MTNR1B: variants seen among roughly 807,000 people sequenced by gnomAD.
MTNR1B encodes the protein melatonin receptor type 1B.
A neutral mutation model predicts 7.0 loss-of-function variants in MTNR1B; 7 were observed. That is an observed-to-expected ratio of 1.00 (90% CI 0.57 to 1.88). MTNR1B has a LOEUF of 1.88. Among genes scored for constraint, MTNR1B ranks in the 40% most tolerant of loss-of-function variants. MTNR1B has a pLI of 0.00. For synonymous variants in MTNR1B, 226 were observed against 208.2 expected, an observed-to-expected ratio of 1.09 and a Z score of -0.74; for missense variants, 478 against 486.5, an observed-to-expected ratio of 0.98 and a Z score of 0.16.
In MTNR1B at chr11:92,981,700, G is replaced by A. The variant is rs780277321; in HGVS notation, c.477G>A (p.Leu159=). 3 of 1,614,218 alleles carry A rather than the reference G, an allele frequency of 1.9e-6. No individual in the cohort carries two copies. In the East Asian group the frequency reaches 6.7e-5, roughly 36 times the overall value. ...HRIYRRWHTP[L]HICLIWLLTV... Reference sequence around the variant, plus strand: ...TCTACCGGCGCTGGCACACCCCTCTGCACATCTGCCTCATCTGGCTCCTCA... The same window carrying A: ...TCTACCGGCGCTGGCACACCCCTCTACACATCTGCCTCATCTGGCTCCTCA... The change falls in exon 2 of 2, where the codon CTG becomes CTA. Residue 159 remains leucine (L), a synonymous_variant. Transcript: ENST00000257068.
Position 92,969,786 on chromosome 11 carries a change from G to A in MTNR1B, c.61G>A (p.Gly21Ser). 6.5e-7 allele frequency: 1 copy of A among 1,547,252 alleles called. No homozygotes were observed. The highest frequency in any genetic ancestry group is 8.7e-7 in the Non-Finnish European group (1 of 1,146,220). Reference sequence around the variant, plus strand: ...GGCGGGCGGGTGGGCAGTGCGCCCGGGCTGGTCGGGGGCTGGCAGCGCGCG... The same window carrying A: ...GGCGGGCGGGTGGGCAGTGCGCCCGAGCTGGTCGGGGGCTGGCAGCGCGCG... Reference protein sequence around the residue: ...CEAGGWAVRPGWSGAGSARPS... With the variant: ...CEAGGWAVRPSWSGAGSARPS... The change falls in exon 1 of 2, where the codon GGC becomes AGC. Residue 21 changes from glycine (G) to serine (S), a missense_variant. Physicochemically the swap from Gly to Ser is moderately conservative, Grantham distance 56. Coordinates refer to ENST00000257068, the MANE Select transcript of MTNR1B (RefSeq NM_005959.5).
intron 1 of MTNR1B, among the ~76,000 whole-genome samples, chr11:92,978,057 TTCTC>T (rs1199932363): frequency 6.6e-6 from 1 of 152,218 alleles, no homozygotes; most frequent in Non-Finnish European, 1.5e-5. Flanking sequence ...GACTTGATGA[TTCTC>T]TCTTTCTATC....
chr11:92,969,758 C>A lies in MTNR1B; in HGVS notation c.33C>A (p.Cys11Ter). Residue 11 changes from cysteine (C) to a stop codon, truncating the protein, a stop_gained, in exon 1 of 2, where the codon TGC (cysteine) becomes TGA (stop). Coordinates refer to ENST00000257068, the MANE Select transcript of MTNR1B (RefSeq NM_005959.5). LOFTEE classifies it high-confidence loss of function. Reference sequence around the variant, plus strand: ...AGAACGGCTCCTTCGCCAACTGCTGCGAGGCGGGCGGGTGGGCAGTGCGCC... The same window carrying A: ...AGAACGGCTCCTTCGCCAACTGCTGAGAGGCGGGCGGGTGGGCAGTGCGCC... MSENGSFANC[C>*]EAGGWAVRPG... 3 of 1,505,596 alleles carry A rather than the reference C, an allele frequency of 2.0e-6. No individual in the cohort carries two copies. Among genetic ancestry groups the A allele is most frequent in the East Asian group, 2.5e-5 (1 of 39,984 alleles). The allele number at this position is 1,505,596 out of a possible 1,614,324, so 93.3% of individuals were successfully genotyped here. A position where few individuals can be genotyped will look rare whatever the true frequency, so the allele number is the denominator to read the frequency against.
intron 1 of MTNR1B, among the ~76,000 whole-genome samples, chr11:92,971,675 T>C (rs1486457149): frequency 6.6e-6 from 1 of 152,180 alleles, no homozygotes; most frequent in Non-Finnish European, 1.5e-5. Context: ...CTCAGTAATT[T>C]GGATTGCCCA....
At chr11:92,972,601 A>C in intron 1 of MTNR1B, 1 of 454,320 alleles carries the variant, frequency 2.2e-6, no homozygotes, top group South Asian at 1.6e-5. Context: ...GGTAAGGCCA[A>C]GTGTGTTCAC....
At chr11:92,970,162 C>G (rs1278499855) in intron 1 of MTNR1B, among the ~76,000 whole-genome samples, 1 of 152,214 alleles carries the variant, frequency 6.6e-6, no homozygotes, top group East Asian at 1.9e-4. Flanking sequence ...GCGCTTGGCA[C>G]AGAGGGAATT....
intron 1 of MTNR1B, among the ~76,000 whole-genome samples, chr11:92,974,966 G>T (rs1857990602): frequency 6.6e-6 from 1 of 152,104 alleles, no homozygotes; most frequent in Non-Finnish European, 1.5e-5. Context: ...TCAAACTCCT[G>T]ACCTCAGGTG....
intron 1 of MTNR1B, among the ~76,000 whole-genome samples, chr11:92,980,451 C>T (rs926322195): frequency 1.3e-5 from 2 of 152,314 alleles, no homozygotes; most frequent in African/African-American, 2.4e-5. Flanking sequence ...GTGCTCTATT[C>T]GTGAGTCAGT....
At chr11:92,970,154 G>T (rs1220815187) in intron 1 of MTNR1B, among the ~76,000 whole-genome samples, 5 of 152,200 alleles carry the variant, frequency 3.3e-5, no homozygotes, top group African/African-American at 4.8e-5. Flanking sequence ...CCCAGGACGC[G>T]CTTGGCACAG....
intron 1 of MTNR1B, among the ~76,000 whole-genome samples, chr11:92,971,930 AAAAAAATAAT>A (rs376345189): frequency 3.3e-5 from 5 of 152,298 alleles, no homozygotes; most frequent in African/African-American, 1.2e-4. Context: ...ACCCGAACAA[AAAAAAATAAT>A]AATAACACTA....
chr11:92,984,801 C>T (rs754329007), downstream of MTNR1B: 16 of 439,122 alleles, frequency 3.6e-5, no homozygotes, highest in South Asian at 2.6e-4. Context: ...TTTCTTGGAT[C>T]CATAGGTTTT....
At chr11:92,975,081 C>A (rs891333907) in intron 1 of MTNR1B, among the ~76,000 whole-genome samples, 8 of 152,208 alleles carry the variant, frequency 5.3e-5, no homozygotes, top group African/African-American at 1.9e-4. Flanking sequence ...ACTAATACAG[C>A]CCCTTTCTTG....
chr11:92,979,843 A>G (rs897646453), intron 1 of MTNR1B, among the ~76,000 whole-genome samples: 5 of 152,082 alleles, frequency 3.3e-5, no homozygotes, highest in African/African-American at 1.2e-4. Context: ...GGACCATGCT[A>G]TGGGGAATCT....
At chr11:92,977,762 C>T (rs1858034124) in intron 1 of MTNR1B, among the ~76,000 whole-genome samples, 1 of 152,228 alleles carries the variant, frequency 6.6e-6, no homozygotes, top group Admixed American at 6.5e-5. Flanking sequence ...TGTCTTTCAT[C>T]CATCACTGCG....
chr11:92,982,849 C>G (rs897734672), downstream of MTNR1B: 11 of 173,984 alleles, frequency 6.3e-5, no homozygotes, highest in Non-Finnish European at 1.3e-4. Flanking sequence ...ATGCATCACA[C>G]CACAGACACA....
At chr11:92,970,725 C>T (rs998797015) in intron 1 of MTNR1B, among the ~76,000 whole-genome samples, 3 of 152,102 alleles carry the variant, frequency 2.0e-5, no homozygotes, top group Non-Finnish European at 4.4e-5. Context: ...GAACTCTAGC[C>T]CTCACAGGTC....
chr11:92,976,484 C>T (rs530321760), intron 1 of MTNR1B, among the ~76,000 whole-genome samples: 7 of 151,676 alleles, frequency 4.6e-5, no homozygotes, highest in Admixed American at 1.3e-4. Flanking sequence ...TTGTTATATG[C>T]CAGATTCAAG....
chr11:92,983,773 T>G (rs546641425), downstream of MTNR1B, among the ~76,000 whole-genome samples: 19 of 152,318 alleles, frequency 1.2e-4, no homozygotes, highest in African/African-American at 4.3e-4. Flanking sequence ...CTCTGCAAGG[T>G]CACAGTCTGT....
At chr11:92,980,145 A>T (rs913555013) in intron 1 of MTNR1B, among the ~76,000 whole-genome samples, 5 of 152,122 alleles carry the variant, frequency 3.3e-5, no homozygotes, top group Non-Finnish European at 7.4e-5. Context: ...TGGAGTTTCC[A>T]TGTCTGTGTC....
Sources: allele counts gnomAD v4.1 joint callset (sites outside exome capture counted in the v4.1 genomes callset), GRCh38; gene constraint gnomAD v4.1.1; transcripts MANE v1.5; gene names NCBI Gene and HGNC (gene_info 2026-07-23, HGNC 2026-07-21).